CHD7: variants seen among roughly 807,000 people sequenced by gnomAD.
The protein encoded by CHD7 is chromodomain helicase DNA binding protein 7, also known as ATP-dependent chromatin remodeler CHD7.
CHD7 carries 24 observed loss-of-function variants against 307.3 expected under a neutral mutation model. The ratio of observed to expected loss-of-function variants is 0.08; its 90% CI spans 0.06 to 0.11. The LOEUF (loss-of-function observed/expected upper bound fraction) is 0.11, where lower values mean the gene tolerates loss of function less well. CHD7 is among the 10% of genes least tolerant of loss of function. CHD7 has a pLI of 1.00. For synonymous variants in CHD7, 1,363 were observed against 1,349.9 expected (o/e 1.01, Z -0.21); for missense variants, 3,106 against 3,727.1 (o/e 0.83, Z 4.34).
intron 6 of CHD7, among the ~76,000 whole-genome samples, chr8:60,807,822 A>C (rs1213020846): frequency 2.6e-5 from 4 of 152,276 alleles, no homozygotes; most frequent in Admixed American, 2.6e-4. Flanking sequence ...TGAGGCAGCC[A>C]AAAATAATAC....
In CHD7 at chr8:60,853,496, C is replaced by T. The variant is rs367615733; in HGVS notation, c.6771C>T (p.Pro2257=). Residue 2257 remains proline, a synonymous_variant, in exon 31 of 38, where the codon CCC becomes CCT. Coordinates refer to ENST00000423902, the MANE Select transcript of CHD7 (RefSeq NM_017780.4). ...DDDKSEESSQ[P]EAGAVSRGKN... ...ATAAGTCGGAAGAGTCTTCCCAGCC[C>T]GAAGGTAAGGCCTTACCACTGGCCC... 10 of 1,510,792 alleles carry T rather than the reference C, an allele frequency of 6.6e-6. No homozygotes were observed. Among genetic ancestry groups the T allele is most frequent in the East Asian group, 2.3e-5 (1 of 43,980 alleles). 93.6% of individuals were successfully genotyped at this position (1,510,792 alleles called of 1,614,324 possible). A position where few individuals can be genotyped will look rare whatever the true frequency, so the allele number is the denominator to read the frequency against.
chr8:60,829,731 C>T (rs754752587), intron 14 of CHD7, among the ~76,000 whole-genome samples: 18 of 152,198 alleles, frequency 1.2e-4, no homozygotes, highest in Non-Finnish European at 1.6e-4. Context: ...TTGGTTTTTA[C>T]GTGCCCCCTC....
intron 1 of CHD7, among the ~76,000 whole-genome samples, chr8:60,697,618 T>C (rs1278646468): frequency 6.6e-6 from 1 of 152,212 alleles, no homozygotes; most frequent in East Asian, 1.9e-4. Flanking sequence ...ATGTATTCTA[T>C]TTCTGATACA....
chr8:60,835,081 C>T (rs1306529408), intron 15 of CHD7, among the ~76,000 whole-genome samples: 1 of 152,198 alleles, frequency 6.6e-6, no homozygotes, highest in African/African-American at 2.4e-5. Flanking sequence ...TGAGCACATC[C>T]TCCACCTTCA....
At chr8:60,771,305 A>G (rs918253714) in intron 2 of CHD7, among the ~76,000 whole-genome samples, 1 of 152,248 alleles carries the variant, frequency 6.6e-6, no homozygotes. Flanking sequence ...ACTATCTCTC[A>G]TTCAAAATGC....
chr8:60,695,942 A>G (rs957247871), intron 1 of CHD7, among the ~76,000 whole-genome samples: 1 of 152,182 alleles, frequency 6.6e-6, no homozygotes, highest in African/African-American at 2.4e-5. Flanking sequence ...AGATCTTTAC[A>G]AATGGCCATT....
chr8:60,853,819 G>A (rs3814483), intron 31 of CHD7, among the ~76,000 whole-genome samples: 41,427 of 152,140 alleles, frequency 0.27, 7,102 homozygotes, highest in Admixed American at 0.41. Context: ...TTTGACAAAT[G>A]TGAGGGAAGG....
Position 60,865,636 on chromosome 8 carries a change from C to T in CHD7, c.8697C>T (p.Ala2899=). Residue 2899 remains alanine (A), a synonymous_variant, in exon 38 of 38, where the codon GCC becomes GCT. Transcript: ENST00000423902. This position sits in a 1 kb window ranked among gnomAD's most constrained non-coding sequence, Gnocchi z 4.3. ...ACCCTTTCCTCCTGTCCACAATGGCCCCGGGCCTCTTCTACCCATCCATGT... is the reference window on the plus strand; with the variant it reads ...ACCCTTTCCTCCTGTCCACAATGGCTCCGGGCCTCTTCTACCCATCCATGT... The part of the protein sequence containing the change: ...AFNPFLLSTM[A]PGLFYPSMFL... 6.2e-7 allele frequency: 1 copy of T among 1,611,886 alleles called. No individual in the cohort carries two copies. The highest frequency in any genetic ancestry group is 8.5e-7 in the Non-Finnish European group (1 of 1,178,272).
intron 13 of CHD7, among the ~76,000 whole-genome samples, chr8:60,826,685 T>C (rs1804266894): frequency 6.6e-6 from 1 of 152,168 alleles, no homozygotes; most frequent in Non-Finnish European, 1.5e-5. Context: ...GATGATACAT[T>C]GAGGGGCAGT....
intron 1 of CHD7, among the ~76,000 whole-genome samples, chr8:60,725,631 TG>T (rs1808125146): frequency 6.6e-6 from 1 of 152,256 alleles, no homozygotes; most frequent in Admixed American, 6.5e-5. Flanking sequence ...CATTATAGGA[TG>T]CCCTTGCAGT....
chr8:60,827,283 T>A (rs1384894298), intron 13 of CHD7, among the ~76,000 whole-genome samples: 1 of 152,094 alleles, frequency 6.6e-6, no homozygotes, highest in East Asian at 1.9e-4. Flanking sequence ...TTTCCTTTTT[T>A]CGAATAAGTT....
chr8:60,693,311 C>T (rs1253572492), intron 1 of CHD7, among the ~76,000 whole-genome samples: 1 of 152,228 alleles, frequency 6.6e-6, no homozygotes, highest in Non-Finnish European at 1.5e-5. Context: ...TTGCTTCCTT[C>T]CTGCTCCCCT....
chr8:60,746,391 A>G (rs906451550), intron 2 of CHD7, among the ~76,000 whole-genome samples: 4 of 152,274 alleles, frequency 2.6e-5, no homozygotes, highest in African/African-American at 9.6e-5. Context: ...ATACTATCCT[A>G]TACCTTTAAA....
At chr8:60,757,042 G>A (rs1234712755) in intron 2 of CHD7, among the ~76,000 whole-genome samples, 1 of 152,192 alleles carries the variant, frequency 6.6e-6, no homozygotes, top group African/African-American at 2.4e-5. Context: ...TCTATATTGA[G>A]TCTCTAACAT....
intron 1 of CHD7, among the ~76,000 whole-genome samples, chr8:60,685,018 T>G (rs1024861278): frequency 7.2e-5 from 11 of 152,176 alleles, no homozygotes; most frequent in African/African-American, 2.7e-4. Context: ...GAGGGAGATC[T>G]CAGGGCATAT....
intron 1 of CHD7, among the ~76,000 whole-genome samples, chr8:60,726,321 C>G (rs919321373): frequency 6.6e-6 from 1 of 152,190 alleles, no homozygotes; most frequent in African/African-American, 2.4e-5. Context: ...CCATTCTCTT[C>G]AGCTCCCTTT....
intron 17 of CHD7, 28 bp from the exon 18 acceptor site, chr8:60,837,640 G>T: frequency 6.6e-7 from 1 of 1,509,742 alleles, no homozygotes; most frequent in South Asian, 1.3e-5. Context: ...GTTCATTGCA[G>T]TAACTATTAA....
Position 60,852,241 on chromosome 8 carries a change from G to T in CHD7, c.5888G>T (p.Arg1963Leu). 6.2e-7 allele frequency: 1 copy of T among 1,611,688 alleles called. No homozygotes were observed. Among genetic ancestry groups the T allele is most frequent in the South Asian group, 1.1e-5 (1 of 90,966 alleles). The change falls in exon 29 of 38, where the codon CGG becomes CTG. Residue 1963 changes from arginine to leucine, a missense_variant. This residue lies in a region of CHD7 where 1,030 missense variants were observed against 1,165.4 expected (regional missense o/e 0.88). Coordinates refer to ENST00000423902, the MANE Select transcript of CHD7 (RefSeq NM_017780.4). ...AGGGAAGCTATTATATCTGAGAAGCGGCAAAAGTGAGTTTCTTCAAGGTTT... is the reference window on the plus strand; with the variant it reads ...AGGGAAGCTATTATATCTGAGAAGCTGCAAAAGTGAGTTTCTTCAAGGTTT... ...AEREAIISEK[R>L]QKWTRREEAD...
chr8:60,753,176 T>C (rs1809720515), intron 2 of CHD7, among the ~76,000 whole-genome samples: 1 of 152,180 alleles, frequency 6.6e-6, no homozygotes. Flanking sequence ...AGATGCTAAG[T>C]AGTATTTCAT....
Sources: allele counts gnomAD v4.1 joint callset (sites outside exome capture counted in the v4.1 genomes callset), GRCh38; gene constraint gnomAD v4.1.1; regional missense constraint gnomAD v4.1.1; non-coding constraint Gnocchi (gnomAD v3.1); transcripts MANE v1.5; gene names NCBI Gene and HGNC (gene_info 2026-07-23, HGNC 2026-07-21).